The following UMOD variants were observed in gnomAD, a reference collection of about 807,000 sequenced individuals.
UMOD encodes uromodulin.
A neutral mutation model predicts 66.0 loss-of-function variants in UMOD; 64 were observed. The observed-to-expected ratio is 0.97, with a 90% CI of 0.79 to 1.19. The LOEUF (loss-of-function observed/expected upper bound fraction) is 1.19. UMOD is among the 50% of genes most tolerant of loss of function. The pLI, the probability that UMOD is intolerant of heterozygous loss-of-function variation, is 0.00. For missense variants in UMOD, 764 were observed against 850.9 expected (o/e 0.90, Z 1.27); for synonymous variants, 398 against 352.7 (o/e 1.13, Z -1.44).
rs112787476 is a variant in UMOD, at chr16:20,348,905, G to A, written c.396C>T (p.Ser132=). Residue 132 remains serine (S), a synonymous_variant, in exon 3 of 11, where the codon AGC becomes AGT. Coordinates refer to ENST00000396138, the MANE Select transcript of UMOD (RefSeq NM_003361.4). ...AGCCCGCGGGGCATACGCACAAGTA[G>A]CTGCCCACCACATTGACACATGTGG... ...ALATCVNVVG[S]YLCVCPAGYR... 6.4e-7 allele frequency: 1 copy of A among 1,560,456 alleles called. No homozygotes were observed. Among genetic ancestry groups the A allele is most frequent in the Non-Finnish European group, 8.7e-7 (1 of 1,152,906 alleles).
chr16:20,349,945 G>A (rs924005227), intron 2 of UMOD: 2 of 1,444,690 alleles, frequency 1.4e-6, no homozygotes, highest in African/African-American at 2.9e-5. Context: ...CCAGGCAATA[G>A]GATGTGCACT....
In UMOD at chr16:20,336,734, G is replaced by C; in HGVS notation, c.1741-7C>G. 6.2e-7 allele frequency: 1 copy of C among 1,613,796 alleles called. No individual in the cohort carries two copies. The highest frequency in any genetic ancestry group is 8.5e-7 in the Non-Finnish European group (1 of 1,179,752). ...ATCTGGTCCCAGAGCAGGTCTACAG[G>C]GAGAGGGCAATAGAAAAACACCCTC... On this transcript the variant is annotated splice_polypyrimidine_tract_variant and splice_region_variant and intron_variant, in intron 8 of 10. Coordinates refer to ENST00000396138, the MANE Select transcript of UMOD (RefSeq NM_003361.4).
intron 6 of UMOD, 58 bp downstream of exon 6, chr16:20,343,966 G>A: frequency 8.1e-6 from 13 of 1,605,890 alleles, no homozygotes; most frequent in Non-Finnish European, 1.1e-5. Flanking sequence ...GAAGCTCATG[G>A]TTAAGGGGTT....
Position 20,348,302 on chromosome 16 carries a change from C to T in UMOD, c.894G>A (p.Glu298=), listed in dbSNP as rs762170318. 2 of 1,614,246 alleles carry T rather than the reference C, an allele frequency of 1.2e-6. No individual in the cohort carries two copies. Among genetic ancestry groups the T allele is most frequent in the Non-Finnish European group, 1.7e-6 (2 of 1,180,046 alleles). ...TGCAGTCCTCGTCTATACTGCACTC[C>T]TCACACGTCCCCTCCACGGAGCTGG... ...TDPSSVEGTC[E]ECSIDEDCKS... The change falls in exon 4 of 11, where the codon GAG becomes GAA. Residue 298 remains glutamate (E), a synonymous_variant. Transcript: ENST00000396138.
upstream of UMOD, among the ~76,000 whole-genome samples, chr16:20,353,810 GGTTT>G (rs1306972099): frequency 6.6e-6 from 1 of 152,028 alleles, no homozygotes; most frequent in Non-Finnish European, 1.5e-5. Flanking sequence ...ACAACGTGCA[GGTTT>G]GTTACATATG....
At chr16:20,347,027 T>G (rs984091313) in intron 4 of UMOD, among the ~76,000 whole-genome samples, 4 of 152,186 alleles carry the variant, frequency 2.6e-5, no homozygotes, top group South Asian at 2.1e-4. Context: ...CTCTCTCTCT[T>G]TTTTTTGAGA....
intron 4 of UMOD, among the ~76,000 whole-genome samples, chr16:20,347,038 C>T (rs535168593): frequency 2.6e-5 from 4 of 151,740 alleles, no homozygotes; most frequent in East Asian, 1.9e-4. Context: ...TTTTTTGAGA[C>T]GGAGTTTCTC....
intron 10 of UMOD, 141 bp from the exon 11 acceptor site, chr16:20,333,516 C>A (rs1964701491): frequency 6.5e-6 from 5 of 774,152 alleles, no homozygotes; most frequent in Non-Finnish European, 8.9e-6. Flanking sequence ...AAGCTTCCTC[C>A]TTATCTGCCC....
At chr16:20,333,519 A>G in intron 10 of UMOD, 144 bp from the exon 11 acceptor site, 1 of 768,218 alleles carries the variant, frequency 1.3e-6, no homozygotes, top group Non-Finnish European at 2.3e-6. Flanking sequence ...CTTCCTCCTT[A>G]TCTGCCCTGA....
chr16:20,354,446 A>G (rs547347654), upstream of UMOD, among the ~76,000 whole-genome samples: 3 of 152,338 alleles, frequency 2.0e-5, no homozygotes, highest in East Asian at 1.9e-4. Context: ...CATCTTTGCC[A>G]AAAGGATAAG....
intron 2 of UMOD, chr16:20,349,796 A>G (rs529539620): frequency 1.3e-6 from 2 of 1,550,124 alleles, no homozygotes; most frequent in African/African-American, 1.4e-5. Context: ...AATCTTCATC[A>G]GGACCCTGCT....
chr16:20,349,705 T>C (rs1455752435), intron 2 of UMOD: 2 of 1,505,000 alleles, frequency 1.3e-6, no homozygotes, highest in South Asian at 2.6e-5. Context: ...AGAATTCCTA[T>C]ACTTTGGTAG....
rs761843494 is a variant in UMOD at position 20,335,438 on chromosome 16, A to G, written c.1861+44T>C. On this transcript the variant is annotated intron_variant, in intron 10 of 10. Coordinates refer to ENST00000396138, the MANE Select transcript of UMOD (RefSeq NM_003361.4). ...AGTTAACAGATAGAAGCCCCCCAGG[A>G]GAGTTCTGGAACAGGTCCCACTGCA... 4.4e-6 allele frequency: 7 copies of G among 1,600,864 alleles called. No individual in the cohort carries two copies. In the African/African-American group the frequency reaches 5.4e-5, roughly 12 times the overall value.
At chr16:20,344,284 G>A in intron 5 of UMOD, 112 bp from the exon 6 acceptor site, 1 of 1,096,364 alleles carries the variant, frequency 9.1e-7, no homozygotes, top group Non-Finnish European at 1.4e-6. Context: ...CTACTTGTGA[G>A]CCGCTCTCCT....
At chr16:20,335,663 A>G (rs1964831189) in intron 9 of UMOD, 143 bp from the exon 10 acceptor site, 9 of 781,124 alleles carry the variant, frequency 1.2e-5, no homozygotes, top group Non-Finnish European at 1.5e-5. Flanking sequence ...TTACTCCCCT[A>G]CTTCAGACCC....
chr16:20,338,051 G>T (rs946323845), intron 7 of UMOD, among the ~76,000 whole-genome samples: 1 of 152,100 alleles, frequency 6.6e-6, no homozygotes, highest in Non-Finnish European at 1.5e-5. Context: ...CTGCCATTCC[G>T]CACTCTTTCC....
In UMOD at chr16:20,350,773, G is replaced by A; in HGVS notation, c.-36C>T. The A allele has an allele frequency of 1.9e-6, 3 of 1,613,920 alleles. No individual in the cohort carries two copies. The highest frequency in any genetic ancestry group is 2.5e-6 in the Non-Finnish European group (3 of 1,179,910). ...CTTCCCGCTACTTCAGGTCTAGATA[G>A]CACCTGCCCAAAGGAAAGACGGGTT... On this transcript the variant is annotated 5_prime_UTR_variant, in exon 2 of 11. Coordinates refer to ENST00000396138, the MANE Select transcript of UMOD (RefSeq NM_003361.4).
At chr16:20,337,752 A>G (rs1964966402) in intron 7 of UMOD, among the ~76,000 whole-genome samples, 1 of 152,214 alleles carries the variant, frequency 6.6e-6, no homozygotes, top group Non-Finnish European at 1.5e-5. Flanking sequence ...CAGAGCTGAA[A>G]CTATCCAAAA....
rs201765927 is a variant in UMOD, at chr16:20,346,146, G to A, written c.1162C>T (p.Pro388Ser). Residue 388 changes from proline (P) to serine (S), a missense_variant, in exon 5 of 11, where the codon CCC (proline) becomes TCC (serine). Physicochemically the swap from Pro to Ser is moderately conservative, Grantham distance 74. Transcript: ENST00000396138. The part of the protein sequence containing the change: ...VSVVTPARDG[P>S]CGTVLTRNET... ...CGTACCGTCAACACTGTCCCACAGG[G>A]GCCATCCCGGGCTGGGGTCACTACA... 6.2e-7 allele frequency: 1 copy of A among 1,613,998 alleles called. No individual in the cohort carries two copies. The highest frequency in any genetic ancestry group is 1.3e-5 in the African/African-American group (1 of 75,060).
Sources: allele counts gnomAD v4.1 joint callset (sites outside exome capture counted in the v4.1 genomes callset), GRCh38; gene constraint gnomAD v4.1.1; transcripts MANE v1.5; gene names NCBI Gene and HGNC (gene_info 2026-07-23, HGNC 2026-07-21).